CELF2: variants seen among roughly 807,000 people sequenced by gnomAD.
The protein encoded by CELF2 is CUG triplet repeat RNA-binding protein 2.
In CELF2, 8 loss-of-function variants were observed where a neutral mutation model predicts 62.6. The observed-to-expected ratio is 0.13, with a 90% confidence interval of 0.07 to 0.23. The LOEUF (loss-of-function observed/expected upper bound fraction) is 0.23. Among genes scored for constraint, CELF2 ranks in the 10% least tolerant of loss-of-function variants. CELF2 has a pLI of 1.00. For missense variants in CELF2, 333 were observed against 671.0 expected, an observed-to-expected ratio of 0.50 and a Z score of 5.56; for synonymous variants, 258 against 250.0, an observed-to-expected ratio of 1.03 and a Z score of -0.30.
intron 1 of CELF2, among the ~76,000 whole-genome samples, chr10:10,879,292 G>A (rs377716815): frequency 1.8e-4 from 27 of 152,280 alleles, no homozygotes; most frequent in Middle Eastern, 3.4e-3. Flanking sequence ...CAGAGTGCCC[G>A]CTCCTGGACA....
rs531966483 is a variant in CELF2, at chr10:11,333,570, T to C, written c.*4517T>C. On this transcript the variant is annotated 3_prime_UTR_variant, in exon 13 of 13. Transcript: ENST00000633077. ...AAAAAAATAAAATTTTAAAAAAACC[T>C]GTAGTTTCATTACCTTTTTGAATAA... The C allele has an allele frequency of 6.6e-6, 1 of 152,528 alleles. No individual in the cohort carries two copies. Among genetic ancestry groups the C allele is most frequent in the Admixed American group, 6.5e-5 (1 of 15,306 alleles). The allele number at this position is 152,528 out of a possible 1,614,324, so 9.4% of individuals were successfully genotyped here.
the CELF2 span, among the ~76,000 whole-genome samples, chr10:10,491,695 C>A: frequency 6.6e-6 from 1 of 152,154 alleles, no homozygotes; most frequent in Non-Finnish European, 1.5e-5. Context: ...AAACCCAAAG[C>A]CAGTGAAATC....
chr10:10,609,260 C>T, the CELF2 span, among the ~76,000 whole-genome samples: 1 of 152,186 alleles, frequency 6.6e-6, no homozygotes. Context: ...TTATTTCTGA[C>T]TCAATAAACA....
At chr10:10,588,017 A>ATTT in the CELF2 span, among the ~76,000 whole-genome samples, 193 of 149,224 alleles carry the variant, frequency 1.3e-3, no homozygotes, top group South Asian at 4.3e-3. Context: ...TAAAGATGTA[A>ATTT]TTTTTTTTTT....
At position 11,321,084 on chromosome 10, in the gene CELF2, A is replaced by G. The variant is rs1400456431; in HGVS notation, c.1097-105A>G. On this transcript the variant is annotated intron_variant, in intron 10 of 12. Coordinates refer to ENST00000633077, the MANE Select transcript of CELF2 (RefSeq NM_001326342.2). This position sits in a 1 kb window ranked among gnomAD's most constrained non-coding sequence, Gnocchi z 6.2. ...GTCAGTGTAATTGTGTGCTAGCTGCATGTACTTGCTGTTGTACTGTGTTTA... is the reference window on the plus strand; with the variant it reads ...GTCAGTGTAATTGTGTGCTAGCTGCGTGTACTTGCTGTTGTACTGTGTTTA... The G allele has an allele frequency of 2.3e-6, 3 of 1,322,302 alleles. No homozygotes were observed. The highest frequency in any genetic ancestry group is 2.9e-5 in the African/African-American group (2 of 68,684). 81.9% of individuals were successfully genotyped at this position (1,322,302 alleles called of 1,614,324 possible).
the CELF2 span, among the ~76,000 whole-genome samples, chr10:10,684,577 C>G: frequency 6.6e-6 from 1 of 152,092 alleles, no homozygotes; most frequent in Admixed American, 6.6e-5. Context: ...ACCCCCATCT[C>G]TACAAAACAT....
intron 2 of CELF2, among the ~76,000 whole-genome samples, chr10:10,932,221 A>T (rs989012092): frequency 6.6e-6 from 1 of 152,188 alleles, no homozygotes; most frequent in Non-Finnish European, 1.5e-5. Flanking sequence ...AATCCAACTC[A>T]TAGAAGCAGA....
At chr10:10,544,462 G>T in the CELF2 span, among the ~76,000 whole-genome samples, 3 of 152,184 alleles carry the variant, frequency 2.0e-5, no homozygotes, top group Admixed American at 2.0e-4. Context: ...GCGCTTCAGT[G>T]GAAATAATAC....
chr10:11,058,461 GTTTTTTTT>G (rs67113152), intron 1 of CELF2, among the ~76,000 whole-genome samples: 1 of 116,806 alleles, frequency 8.6e-6, no homozygotes, highest in African/African-American at 3.2e-5. Flanking sequence ...TTTTTTGTTG[GTTTTTTTT>G]TTTTTTTTTT....
In CELF2 at chr10:10,923,129, T is replaced by G. The variant is rs1360151186; in HGVS notation, c.89+3130T>G. The G allele has an allele frequency of 3.9e-5, 6 of 152,310 alleles. No individual in the cohort carries two copies. In the East Asian group the frequency reaches 9.6e-4, roughly 24 times the overall value. The allele number at this position is 152,310 out of a possible 1,614,324, so 9.4% of individuals were successfully genotyped here. A position where few individuals can be genotyped will look rare whatever the true frequency, so the allele number is the denominator to read the frequency against. On this transcript the variant is annotated intron_variant, in intron 2 of 13. Transcript: ENST00000636488. Reference sequence around the variant, plus strand: ...TCGGTGCTGTGGAAAACAAGGCACCTGTAGTTATTTTGTTTGTTTGTAGGC... The same window carrying G: ...TCGGTGCTGTGGAAAACAAGGCACCGGTAGTTATTTTGTTTGTTTGTAGGC...
At chr10:10,734,532 T>C in the CELF2 span, among the ~76,000 whole-genome samples, 1 of 152,216 alleles carries the variant, frequency 6.6e-6, no homozygotes, top group Admixed American at 6.5e-5. Flanking sequence ...AGCCTGGATG[T>C]CCTCTGTAAC....
In CELF2 at chr10:11,254,139, A is replaced by G. The variant is rs146100115; in HGVS notation, c.404-3599A>G. Among the ~76,000 whole-genome samples the G allele has an allele frequency of 5.2e-5, 8 of 152,384 alleles. No individual in the cohort carries two copies. In the East Asian group the frequency reaches 7.7e-4, roughly 15 times the overall value. ...ACTGTGTTCTTGTAGAATGTTTACA[A>G]AGCTGTTAGGGACCCTCAGAATGGG... On this transcript the variant is annotated intron_variant, in intron 4 of 12. Transcript: ENST00000633077.
rs2093307604 is a variant in CELF2 at position 11,297,412 on chromosome 10, C to T, written c.976+8860C>T. On this transcript the variant is annotated intron_variant, in intron 9 of 12. Transcript: ENST00000633077. This position sits in a 1 kb window ranked among gnomAD's most constrained non-coding sequence, Gnocchi z 4.4. Reference sequence around the variant, plus strand: ...AATCACCAGCAAGGCAAGGCGGGGACCAGGTGCAGAAAGCCTTGGGGTCTG... The same window carrying T: ...AATCACCAGCAAGGCAAGGCGGGGATCAGGTGCAGAAAGCCTTGGGGTCTG... Among the ~76,000 whole-genome samples, 1 of 152,000 alleles carries T rather than the reference C, an allele frequency of 6.6e-6. No individual in the cohort carries two copies. Among genetic ancestry groups the T allele is most frequent in the African/African-American group, 2.4e-5 (1 of 41,366 alleles).
chr10:10,536,221 T>G, the CELF2 span, among the ~76,000 whole-genome samples: 1 of 152,130 alleles, frequency 6.6e-6, no homozygotes, highest in African/African-American at 2.4e-5. Flanking sequence ...GGTTTCATCA[T>G]GTTGGTCAGG....
chr10:10,925,087 G>C (rs1032206527), intron 2 of CELF2: 3 of 152,162 alleles, frequency 2.0e-5, no homozygotes, highest in African/African-American at 7.2e-5. Context: ...AGATAATTCA[G>C]ATCATCTCTG....
intron 1 of CELF2, among the ~76,000 whole-genome samples, chr10:11,155,225 C>T (rs2064098741): frequency 6.6e-6 from 1 of 152,196 alleles, no homozygotes; most frequent in African/African-American, 2.4e-5. Context: ...AATGTGACCC[C>T]TTGGATGAGA....
intron 2 of CELF2, chr10:10,927,064 G>A (rs1306860153): frequency 1.3e-5 from 2 of 151,884 alleles, no homozygotes; most frequent in African/African-American, 4.8e-5. Flanking sequence ...GGTGCCCCAG[G>A]GCGCCCTGGG....
intron 1 of CELF2, among the ~76,000 whole-genome samples, chr10:11,083,653 T>G (rs1418701984): frequency 1.3e-5 from 2 of 152,172 alleles, no homozygotes; most frequent in African/African-American, 4.8e-5. Flanking sequence ...GGGTGATGCA[T>G]GTAGTTACTC....
rs1379385946 is a variant in CELF2, at chr10:10,928,787, G to C, written c.89+8788G>C. ...TGTCATCCAATAATATAATTGACTA[G>C]AGGACTTTTACACCTTCTCCGCTAA... On this transcript the variant is annotated intron_variant, in intron 2 of 13. Coordinates refer to the CELF2 transcript ENST00000636488. This position sits in a 1 kb window ranked among gnomAD's most constrained non-coding sequence, Gnocchi z 4.8. 6.6e-6 allele frequency among the ~76,000 whole-genome samples: 1 copy of C among 152,062 alleles called. No individual in the cohort carries two copies. Among genetic ancestry groups the C allele is most frequent in the Non-Finnish European group, 1.5e-5 (1 of 68,016 alleles).
Sources: allele counts gnomAD v4.1 joint callset (sites outside exome capture counted in the v4.1 genomes callset), GRCh38; gene constraint gnomAD v4.1.1; non-coding constraint Gnocchi (gnomAD v3.1); transcripts MANE v1.5; gene names NCBI Gene and HGNC (gene_info 2026-07-23, HGNC 2026-07-21).